Variants in USP54 observed in about 807,000 individuals in gnomAD.
USP54 encodes ubiquitin specific peptidase 54, also known as ubiquitin carboxyl-terminal hydrolase 54.
In USP54, 87 loss-of-function variants were observed where a neutral mutation model predicts 170.5. The ratio of observed to expected loss-of-function variants is 0.51; its 90% CI spans 0.43 to 0.61. The LOEUF (loss-of-function observed/expected upper bound fraction) is 0.61. USP54 is among the 20% of genes least tolerant of loss of function. The probability of loss-of-function intolerance (pLI) is 0.00; values close to 1 mark genes in which losing one functional copy is unlikely to be tolerated. For missense variants in USP54, 1,786 were observed against 2,047.8 expected (o/e 0.87, Z 2.47); for synonymous variants, 655 against 742.8 (o/e 0.88, Z 1.92).
At chr10:73,617,368 A>T (rs1464831009) in intron 1 of USP54, among the ~76,000 whole-genome samples, 1 of 139,182 alleles carries the variant, frequency 7.2e-6, no homozygotes, top group Admixed American at 6.9e-5. Context: ...AGGTGGGAGA[A>T]TCACTTGAAC....
intron 1 of USP54, among the ~76,000 whole-genome samples, chr10:73,576,845 T>C (rs914917141): frequency 8.5e-5 from 13 of 152,226 alleles, no homozygotes; most frequent in African/African-American, 1.2e-4. Context: ...AGATGTTCCA[T>C]CCAGAGAAAC....
chr10:73,569,175 G>T (rs902386249), intron 4 of USP54, among the ~76,000 whole-genome samples: 2 of 152,104 alleles, frequency 1.3e-5, no homozygotes, highest in African/African-American at 2.4e-5. Flanking sequence ...CCCCAAACAC[G>T]TTTTTTTGTT....
upstream of USP54, among the ~76,000 whole-genome samples, chr10:73,593,748 G>A (rs1001099563): frequency 6.6e-6 from 1 of 152,206 alleles, no homozygotes; most frequent in Non-Finnish European, 1.5e-5. Flanking sequence ...TTGGAGGGTA[G>A]TGGGGAGGGT....
intron 1 of USP54, among the ~76,000 whole-genome samples, chr10:73,610,068 C>T (rs1390473948): frequency 6.6e-6 from 1 of 150,926 alleles, no homozygotes; most frequent in East Asian, 1.9e-4. Flanking sequence ...ATCCCAGCTA[C>T]TTGGGAGGCT....
chr10:73,504,635 G>T, intron 22 of USP54: 2 of 631,958 alleles, frequency 3.2e-6, no homozygotes, highest in Non-Finnish European at 5.3e-6. Context: ...AACACGCACG[G>T]CCTTTCAGAA....
intron 4 of USP54, 93 bp downstream of exon 4, chr10:73,571,327 AT>A: frequency 9.7e-7 from 1 of 1,032,388 alleles, no homozygotes; most frequent in Non-Finnish European, 1.5e-6. Context: ...TCAGTAACAA[AT>A]TCTTTGGCAT....
At chr10:73,548,034 A>G (rs2068256698) in intron 4 of USP54, among the ~76,000 whole-genome samples, 2 of 152,178 alleles carry the variant, frequency 1.3e-5, no homozygotes, top group South Asian at 4.1e-4. Flanking sequence ...CAAATTTACA[A>G]GAAAAAAAAA....
chr10:73,539,577 G>A lies in USP54; in HGVS notation c.842C>T (p.Thr281Met), dbSNP rs186065707. 40 of 1,601,494 alleles carry A rather than the reference G, an allele frequency of 2.5e-5. No homozygotes were observed. Among genetic ancestry groups the A allele is most frequent in the Admixed American group, 5.0e-5 (3 of 59,440 alleles). Residue 281 changes from threonine to methionine, a missense_variant, in exon 10 of 24, where the codon ACG (threonine) becomes ATG (methionine). By Grantham distance (81) the Thr-to-Met change is moderately conservative. This residue lies in a region of USP54 where 361 missense variants were observed against 455.0 expected (regional missense o/e 0.79). Coordinates refer to ENST00000687698, the MANE Select transcript of USP54 (RefSeq NM_001391956.1). ...LKLGDLFFRV[T>M]DDRAKQSELY... ...TTCAGATTGCTTGGCCCGGTCATCC[G>A]TCACTCTGAAAAACAGCTGAGGGGA...
intron 15 of USP54, among the ~76,000 whole-genome samples, chr10:73,528,215 T>G: frequency 6.6e-6 from 1 of 151,892 alleles, no homozygotes. Flanking sequence ...ATTACAGGCA[T>G]GAGCCACCGC....
At chr10:73,538,155 A>C (rs1226582749) in intron 10 of USP54, 1 of 152,100 alleles carries the variant, frequency 6.6e-6, no homozygotes, top group Non-Finnish European at 1.5e-5. Flanking sequence ...CAGTGAGCTG[A>C]GATCGCGCCC....
intron 1 of USP54, chr10:73,624,389 G>GT (rs1554955782): frequency 2.8e-5 from 2 of 71,766 alleles, no homozygotes; most frequent in Admixed American, 1.4e-4. Flanking sequence ...TAGTAGAGAC[G>GT]GGGGGGGGGG....
intron 4 of USP54, among the ~76,000 whole-genome samples, chr10:73,554,878 TG>T (rs1373867999): frequency 1.3e-5 from 2 of 152,158 alleles, no homozygotes; most frequent in African/African-American, 4.8e-5. Context: ...CCCAGCACTT[TG>T]GGAGGATGGC....
rs765656681 is a variant in USP54, at chr10:73,557,878, C to CTT, written c.241-12208_241-12207dup. Reference sequence around the variant, plus strand: ...AAGAAGGATTTAAAGAGCTATTATTCTTTTTTTTTTTTTTTTTTTTTTGAG... The same window carrying CTT: ...AAGAAGGATTTAAAGAGCTATTATTCTTTTTTTTTTTTTTTTTTTTTTTTGAG... On this transcript the variant is annotated intron_variant, in intron 4 of 23. Coordinates refer to ENST00000687698, the MANE Select transcript of USP54 (RefSeq NM_001391956.1). 3.5e-3 allele frequency among the ~76,000 whole-genome samples: 405 copies of CTT among 114,966 alleles called. 2 individuals carry two copies. The highest frequency in any genetic ancestry group is 5.6e-3 in the East Asian group (19 of 3,366). The allele number at this position is 114,966 out of a possible 152,430, so 75.4% of individuals were successfully genotyped here. A position where few individuals can be genotyped will look rare whatever the true frequency, so the allele number is the denominator to read the frequency against.
intron 5 of USP54, among the ~76,000 whole-genome samples, chr10:73,544,126 A>G (rs2067230267): frequency 6.6e-6 from 1 of 152,060 alleles, no homozygotes; most frequent in African/African-American, 2.4e-5. Context: ...TGTTTTTAAT[A>G]GAGACGGCGT....
chr10:73,540,727 T>C (rs2066446389), intron 9 of USP54, among the ~76,000 whole-genome samples: 1 of 152,180 alleles, frequency 6.6e-6, no homozygotes, highest in Non-Finnish European at 1.5e-5. Context: ...CCTGAGTAGC[T>C]GGGACTACAG....
intron 1 of USP54, among the ~76,000 whole-genome samples, chr10:73,579,050 C>T (rs866221950): frequency 1.4e-4 from 21 of 150,744 alleles, no homozygotes; most frequent in Middle Eastern, 6.9e-3. Context: ...AAGTGATTCT[C>T]CTTCCTCAGC....
chr10:73,584,314 G>T (rs1036333381), intron 1 of USP54, among the ~76,000 whole-genome samples: 2 of 152,118 alleles, frequency 1.3e-5, no homozygotes. Flanking sequence ...CTTGAACCAG[G>T]GAGTCGGAGG....
chr10:73,566,090 C>T (rs546039387), intron 4 of USP54, among the ~76,000 whole-genome samples: 2 of 152,128 alleles, frequency 1.3e-5, no homozygotes, highest in African/African-American at 4.8e-5. Flanking sequence ...ATTAGCCGGG[C>T]GTGGTGGCGC....
intron 10 of USP54, 135 bp downstream of exon 10, chr10:73,539,306 AAAT>A (rs1224672000): frequency 4.8e-5 from 16 of 333,922 alleles, no homozygotes; most frequent in African/African-American, 7.3e-5. Flanking sequence ...AAAAAAAAAA[AAAT>A]ATATATATAT....
Sources: allele counts gnomAD v4.1 joint callset (sites outside exome capture counted in the v4.1 genomes callset), GRCh38; gene constraint gnomAD v4.1.1; regional missense constraint gnomAD v4.1.1; transcripts MANE v1.5; gene names NCBI Gene and HGNC (gene_info 2026-07-23, HGNC 2026-07-21).